Variants in PCDH15 observed in about 807,000 individuals in gnomAD.
PCDH15 encodes protocadherin-15.
PCDH15 carries 129 observed loss-of-function variants against 178.5 expected under a neutral mutation model. The ratio of observed to expected loss-of-function variants is 0.72; its 90% CI spans 0.63 to 0.84. The LOEUF (loss-of-function observed/expected upper bound fraction) is 0.84, where lower values mean the gene tolerates loss of function less well. Ranked by LOEUF, PCDH15 falls within the 40% of genes least tolerant of loss-of-function variation. The pLI is 0.00. For synonymous variants in PCDH15, 800 were observed against 732.0 expected (o/e 1.09, Z -1.50); for missense variants, 2,230 against 2,099.9 (o/e 1.06, Z -1.21).
At chr10:54,533,709 G>A (rs1445456237) in intron 2 of PCDH15, among the ~76,000 whole-genome samples, 1 of 152,088 alleles carries the variant, frequency 6.6e-6, no homozygotes, top group East Asian at 1.9e-4. Flanking sequence ...AGTGAACTCT[G>A]TGGCACCTAG....
chr10:55,500,256 G>C (rs1179225099), intron 2 of PCDH15, among the ~76,000 whole-genome samples: 1 of 151,636 alleles, frequency 6.6e-6, no homozygotes, highest in East Asian at 2.0e-4. Context: ...ATTACTTTAG[G>C]ATAAATTTGA....
intron 2 of PCDH15, among the ~76,000 whole-genome samples, chr10:55,605,483 T>A (rs1205258450): frequency 6.6e-6 from 1 of 150,612 alleles, no homozygotes; most frequent in Non-Finnish European, 1.5e-5. Context: ...TGAACATTGA[T>A]GCAAAAATCC....
intron 20 of PCDH15, among the ~76,000 whole-genome samples, chr10:54,002,624 GAA>G (rs2092213371): frequency 6.6e-6 from 1 of 152,074 alleles, no homozygotes; most frequent in South Asian, 2.1e-4. Context: ...TAAGAAAATT[GAA>G]AACTTTTTTG....
intron 1 of PCDH15, among the ~76,000 whole-genome samples, chr10:54,738,815 TC>T (rs1944432639): frequency 6.6e-6 from 1 of 152,012 alleles, no homozygotes; most frequent in African/African-American, 2.4e-5. Flanking sequence ...GAAAAGGCAT[TC>T]CATAAAATCC....
At chr10:54,593,705 G>GT (rs1414149991) in intron 2 of PCDH15, among the ~76,000 whole-genome samples, 1 of 151,964 alleles carries the variant, frequency 6.6e-6, no homozygotes, top group African/African-American at 2.4e-5. Flanking sequence ...TCCTATTTCT[G>GT]TAAAGAATGC....
chr10:54,996,963 G>T (rs537645053), intron 2 of PCDH15, among the ~76,000 whole-genome samples: 28 of 152,068 alleles, frequency 1.8e-4, no homozygotes, highest in Middle Eastern at 3.4e-3. Context: ...ACAAAAATTA[G>T]CCGGGTGTAG....
chr10:54,718,684 CTTTTTTTTT>C (rs71461255), intron 1 of PCDH15, among the ~76,000 whole-genome samples: 2 of 111,520 alleles, frequency 1.8e-5, no homozygotes, highest in Admixed American at 1.0e-4. Flanking sequence ...CACACTGATT[CTTTTTTTTT>C]TTTTTTTTTT....
intron 18 of PCDH15, among the ~76,000 whole-genome samples, chr10:54,031,879 G>A (rs187723234): frequency 6.6e-6 from 1 of 152,038 alleles, no homozygotes; most frequent in African/African-American, 2.4e-5. Flanking sequence ...TAGTAAGGCT[G>A]TCTTTTCCCT....
chr10:53,888,757 C>A (rs1176816924), intron 26 of PCDH15, among the ~76,000 whole-genome samples: 1 of 132,324 alleles, frequency 7.6e-6, no homozygotes, highest in Non-Finnish European at 1.6e-5. Context: ...AATGAGCACA[C>A]AGAGAGAGCC....
chr10:54,632,052 G>A (rs1025589274), intron 2 of PCDH15, among the ~76,000 whole-genome samples: 1 of 151,980 alleles, frequency 6.6e-6, no homozygotes, highest in Admixed American at 6.6e-5. Context: ...TCCATAGATT[G>A]GATAAAGAAA....
At chr10:53,938,982 T>C in intron 24 of PCDH15, 27 bp from the exon 25 acceptor site, 1 of 1,606,402 alleles carries the variant, frequency 6.2e-7, no homozygotes, top group Non-Finnish European at 8.5e-7. Context: ...AATTACCTGG[T>C]CATTGTCTTT....
intron 1 of PCDH15, among the ~76,000 whole-genome samples, chr10:54,752,513 C>CA (rs1566128338): frequency 1.8e-5 from 1 of 54,642 alleles, no homozygotes; most frequent in Non-Finnish European, 4.2e-5. Context: ...AAACAAAAAA[C>CA]AAACAAACAA....
chr10:55,350,257 A>ATGAGTT (rs1844882562), intron 2 of PCDH15, among the ~76,000 whole-genome samples: 1 of 67,116 alleles, frequency 1.5e-5, no homozygotes, highest in Non-Finnish European at 2.9e-5. Context: ...ATATATATAT[A>ATGAGTT]TATATATATA....
intron 20 of PCDH15, among the ~76,000 whole-genome samples, chr10:54,003,115 G>C (rs1364470870): frequency 6.6e-6 from 1 of 152,028 alleles, no homozygotes; most frequent in Non-Finnish European, 1.5e-5. Context: ...TTACTACGTG[G>C]GAAATTTATA....
chr10:55,015,860 T>G (rs1446429056), intron 2 of PCDH15, among the ~76,000 whole-genome samples: 2 of 152,050 alleles, frequency 1.3e-5, no homozygotes, highest in Admixed American at 1.3e-4. Flanking sequence ...CCTCTTCATT[T>G]GTGTTTTGGA....
At chr10:55,126,921 T>G (rs1837915325) in intron 2 of PCDH15, among the ~76,000 whole-genome samples, 1 of 151,984 alleles carries the variant, frequency 6.6e-6, no homozygotes, top group Admixed American at 6.6e-5. Flanking sequence ...AAAAAAAATG[T>G]TTTATTTCTA....
intron 1 of PCDH15, among the ~76,000 whole-genome samples, chr10:55,172,293 T>A (rs1275121007): frequency 6.6e-6 from 1 of 151,978 alleles, no homozygotes; most frequent in Non-Finnish European, 1.5e-5. Flanking sequence ...TAAACGTAAG[T>A]ACTCCTCTAA....
intron 13 of PCDH15, among the ~76,000 whole-genome samples, chr10:54,169,335 G>C (rs2046616777): frequency 1.1e-5 from 1 of 95,170 alleles, no homozygotes; most frequent in South Asian, 2.9e-4. Flanking sequence ...CAATACGGAG[G>C]CTACCCACTC....
At chr10:54,439,263 T>C (rs1203119943) in intron 3 of PCDH15, among the ~76,000 whole-genome samples, 1 of 151,972 alleles carries the variant, frequency 6.6e-6, no homozygotes, top group Non-Finnish European at 1.5e-5. Context: ...TTAAGAAAGA[T>C]AAGAAAAGAA....
Sources: gnomAD v4.1 joint callset for allele counts (sites outside exome capture counted in the v4.1 genomes callset) on GRCh38, gnomAD v4.1.1 for gene constraint, MANE v1.5 for transcripts, NCBI Gene and HGNC (gene_info 2026-07-23, HGNC 2026-07-21) for gene names.